FHIT: variants seen among roughly 807,000 people sequenced by gnomAD.
FHIT encodes bis(5'-adenosyl)-triphosphatase.
In FHIT, 19 loss-of-function variants were observed where a neutral mutation model predicts 17.9. The ratio of observed to expected loss-of-function variants is 1.06; its 90% confidence interval spans 0.74 to 1.56. The LOEUF (loss-of-function observed/expected upper bound fraction) is 1.56, where lower values mean the gene tolerates loss of function less well. FHIT is among the 40% of genes most tolerant of loss of function. The pLI, the probability that FHIT is intolerant of heterozygous loss-of-function variation, is 0.00. For synonymous variants in FHIT, 81 were observed against 69.7 expected, an observed-to-expected ratio of 1.16 and a Z score of -0.81; for missense variants, 248 against 189.2, an observed-to-expected ratio of 1.31 and a Z score of -1.82.
At chr3:60,410,772 T>G (rs1702031993) in intron 5 of FHIT, among the ~76,000 whole-genome samples, 1 of 152,168 alleles carries the variant, frequency 6.6e-6, no homozygotes, top group Admixed American at 6.6e-5. Flanking sequence ...GACCCTAAAA[T>G]TAATTTTTCA....
intron 3 of FHIT, among the ~76,000 whole-genome samples, chr3:60,897,978 C>T (rs1278494482): frequency 6.6e-6 from 1 of 151,958 alleles, no homozygotes; most frequent in East Asian, 1.9e-4. Context: ...TCAAATAATC[C>T]ATGTTTATTT....
intron 8 of FHIT, among the ~76,000 whole-genome samples, chr3:59,810,273 C>A (rs1001700409): frequency 6.6e-6 from 1 of 152,124 alleles, no homozygotes; most frequent in Non-Finnish European, 1.5e-5. Context: ...CGGTTTGAGC[C>A]TTGGGCTGTA....
intron 8 of FHIT, among the ~76,000 whole-genome samples, chr3:59,817,901 G>A (rs961762886): frequency 1.3e-5 from 2 of 151,998 alleles, no homozygotes; most frequent in Non-Finnish European, 2.9e-5. Context: ...GAGCTTCAGG[G>A]GCACTCCAAA....
intron 5 of FHIT, among the ~76,000 whole-genome samples, chr3:60,376,097 C>T (rs548705342): frequency 3.1e-4 from 47 of 152,246 alleles, no homozygotes; most frequent in Non-Finnish European, 5.6e-4. Context: ...CCTTGTAGGA[C>T]TTGGCATATT....
intron 3 of FHIT, among the ~76,000 whole-genome samples, chr3:60,921,799 G>GT (rs1390834407): frequency 2.0e-5 from 3 of 152,172 alleles, no homozygotes; most frequent in African/African-American, 7.2e-5. Context: ...GCCAGCCAAG[G>GT]TCCATCTGGG....
intron 3 of FHIT, among the ~76,000 whole-genome samples, chr3:60,926,923 A>G (rs1707651355): frequency 1.3e-5 from 2 of 152,160 alleles, no homozygotes; most frequent in African/African-American, 4.8e-5. Context: ...AATACTAAAA[A>G]CACCTCTATG....
intron 4 of FHIT, among the ~76,000 whole-genome samples, chr3:60,797,726 A>G (rs1701034100): frequency 6.7e-6 from 1 of 150,348 alleles, no homozygotes; most frequent in South Asian, 2.1e-4. Context: ...ATTGAACACA[A>G]AACTAGAAAT....
chr3:60,827,742 A>T (rs1285274244), intron 3 of FHIT, among the ~76,000 whole-genome samples: 1 of 152,180 alleles, frequency 6.6e-6, no homozygotes, highest in Non-Finnish European at 1.5e-5. Flanking sequence ...CTAAAATGGG[A>T]TGGGTGATAA....
chr3:59,847,696 T>C (rs1701771957), intron 8 of FHIT, among the ~76,000 whole-genome samples: 1 of 152,194 alleles, frequency 6.6e-6, no homozygotes, highest in African/African-American at 2.4e-5. Flanking sequence ...AATCGAATAA[T>C]ATGATAATTC....
chr3:59,846,780 C>T (rs1012997082), intron 8 of FHIT, among the ~76,000 whole-genome samples: 3 of 152,114 alleles, frequency 2.0e-5, no homozygotes, highest in Non-Finnish European at 4.4e-5. Context: ...TAAATTTTCT[C>T]AGGTTTTATC....
chr3:60,344,905 A>G (rs991301004), intron 5 of FHIT, among the ~76,000 whole-genome samples: 1 of 152,168 alleles, frequency 6.6e-6, no homozygotes, highest in Non-Finnish European at 1.5e-5. Flanking sequence ...AAAGACATAG[A>G]ATGATATAAT....
Position 60,891,097 on chromosome 3 carries a change from G to A in FHIT, c.-110-69086C>T, listed in dbSNP as rs75873788. ...GATGTTGTGGCAGTCAGTAGAGAAT[G>A]TCTTACACACAGTCCTAGAAGACCT... On this transcript the variant is annotated intron_variant, in intron 3 of 9. Coordinates refer to ENST00000492590, the MANE Select transcript of FHIT (RefSeq NM_002012.4). Among the ~76,000 whole-genome samples, 222 of 152,292 alleles carry A rather than the reference G, an allele frequency of 1.5e-3. 1 individual carries two copies. Among genetic ancestry groups the A allele is most frequent in the African/African-American group, 5.2e-3 (218 of 41,570 alleles).
intron 1 of FHIT, among the ~76,000 whole-genome samples, chr3:61,213,577 G>C (rs1258106113): frequency 6.6e-6 from 1 of 152,146 alleles, no homozygotes; most frequent in African/African-American, 2.4e-5. Context: ...ACAACCCACT[G>C]TCAACATTAG....
chr3:60,057,992 A>G (rs1322942916), intron 5 of FHIT, among the ~76,000 whole-genome samples: 1 of 152,174 alleles, frequency 6.6e-6, no homozygotes, highest in South Asian at 2.1e-4. Context: ...TGTTTTGGTA[A>G]CAATTCCACT....
At chr3:61,070,106 C>A (rs1354140997) in intron 2 of FHIT, among the ~76,000 whole-genome samples, 8 of 152,226 alleles carry the variant, frequency 5.3e-5, no homozygotes, top group African/African-American at 1.9e-4. Context: ...GTTGGCCAGG[C>A]TGGTCTCAAA....
chr3:59,922,181 C>T (rs937138610), intron 8 of FHIT, among the ~76,000 whole-genome samples, 165 bp downstream of exon 8: 3 of 152,162 alleles, frequency 2.0e-5, no homozygotes, highest in Non-Finnish European at 4.4e-5. Flanking sequence ...TGGGTTCCCA[C>T]GATGGCCATT....
rs147063141 is a variant in FHIT, at chr3:59,920,395, C to T, written c.348+1951G>A. Among the ~76,000 whole-genome samples the T allele has an allele frequency of 1.8e-3, 273 of 152,294 alleles. 2 individuals carry two copies. The highest frequency in any genetic ancestry group is 6.2e-3 in the African/African-American group (259 of 41,562). On this transcript the variant is annotated intron_variant, in intron 8 of 9. Coordinates refer to ENST00000492590, the MANE Select transcript of FHIT (RefSeq NM_002012.4). ...CAGTAATTACTTCTCCTGAGATGATCCTCCAAAATGTGGGAAGTAGAAACA... is the reference window on the plus strand; with the variant it reads ...CAGTAATTACTTCTCCTGAGATGATTCTCCAAAATGTGGGAAGTAGAAACA...
chr3:60,207,413 A>G (rs541564804), intron 5 of FHIT, among the ~76,000 whole-genome samples: 1 of 152,104 alleles, frequency 6.6e-6, no homozygotes, highest in Admixed American at 6.6e-5. Context: ...CAGACCTCGA[A>G]AGGCTTCTAT....
chr3:60,910,469 T>C (rs1466755279), intron 3 of FHIT, among the ~76,000 whole-genome samples: 15 of 151,036 alleles, frequency 9.9e-5, no homozygotes, highest in African/African-American at 3.7e-4. Context: ...TGGAGTGCAG[T>C]GGCGCAATCT....
Sources: gnomAD v4.1 joint callset for allele counts (sites outside exome capture counted in the v4.1 genomes callset) on GRCh38, gnomAD v4.1.1 for gene constraint, MANE v1.5 for transcripts, NCBI Gene and HGNC (gene_info 2026-07-23, HGNC 2026-07-21) for gene names.